NELL2: variants seen among roughly 807,000 people sequenced by gnomAD.
The protein encoded by NELL2 is protein kinase C-binding protein NELL2.
In NELL2, 41 loss-of-function variants were observed where a neutral mutation model predicts 109.6. That is an observed-to-expected ratio of 0.37 (90% CI 0.29 to 0.49). The LOEUF (loss-of-function observed/expected upper bound fraction) is 0.49, where lower values mean the gene tolerates loss of function less well. Among genes scored for constraint, NELL2 ranks in the 20% least tolerant of loss-of-function variants. The pLI is 0.98. For missense variants in NELL2, 900 were observed against 1,008.3 expected, an observed-to-expected ratio of 0.89 and a Z score of 1.45; for synonymous variants, 355 against 344.7, an observed-to-expected ratio of 1.03 and a Z score of -0.33.
intron 12 of NELL2, among the ~76,000 whole-genome samples, chr12:44,692,956 T>C (rs1427319237): frequency 6.6e-6 from 1 of 152,136 alleles, no homozygotes; most frequent in Non-Finnish European, 1.5e-5. Flanking sequence ...ATTTAGAATA[T>C]CACAAAAATT....
At chr12:44,798,090 A>C in intron 3 of NELL2, among the ~76,000 whole-genome samples, 1 of 133,476 alleles carries the variant, frequency 7.5e-6, no homozygotes, top group Non-Finnish European at 1.7e-5. Context: ...AAAGCATTCC[A>C]TCCTAGATGG....
intron 13 of NELL2, among the ~76,000 whole-genome samples, chr12:44,644,580 G>GTATATATATATATATA (rs138161908): frequency 8.5e-4 from 72 of 84,300 alleles, no homozygotes; most frequent in Non-Finnish European, 1.3e-3. Flanking sequence ...ACAAAGTAAA[G>GTATATATATATATATA]TATATATATA....
chr12:44,873,022 C>T (rs1945209257), intron 2 of NELL2, among the ~76,000 whole-genome samples: 1 of 152,130 alleles, frequency 6.6e-6, no homozygotes, highest in African/African-American at 2.4e-5. Flanking sequence ...CATGCATGGC[C>T]AAAGGGCCAC....
At chr12:44,822,970 GAGAA>G (rs1443614952) in intron 2 of NELL2, among the ~76,000 whole-genome samples, 2 of 152,138 alleles carry the variant, frequency 1.3e-5, no homozygotes, top group Admixed American at 1.3e-4. Context: ...GAGAGAGAGA[GAGAA>G]AGAATCTGAC....
chr12:44,815,075 C>A (rs1450549), intron 3 of NELL2, among the ~76,000 whole-genome samples: 1 of 151,926 alleles, frequency 6.6e-6, no homozygotes, highest in South Asian at 2.1e-4. Flanking sequence ...AGTGGTGGAC[C>A]TTCCCAGAAC....
upstream of NELL2, chr12:44,876,409 C>A: frequency 7.9e-7 from 1 of 1,266,032 alleles, no homozygotes. Context: ...GAGGGGCCGC[C>A]GAGGGCGAGG....
chr12:44,630,881 G>A (rs1477635676), intron 13 of NELL2, among the ~76,000 whole-genome samples: 1 of 152,028 alleles, frequency 6.6e-6, no homozygotes, highest in Non-Finnish European at 1.5e-5. Context: ...GTAAAATAAG[G>A]ATAGCTTAAT....
At position 44,876,087 on chromosome 12, in the gene NELL2, C is replaced by T. The variant is rs1245209087; in HGVS notation, c.-218G>A. On this transcript the variant is annotated 5_prime_UTR_variant, in exon 1 of 20. Transcript: ENST00000429094. ...AGACCCTCCAATGCGCACATCATTC[C>T]CACACGCAGGGCCGAGGCGGCAGCG... 1 of 1,380,606 alleles carries T rather than the reference C, an allele frequency of 7.2e-7. No individual in the cohort carries two copies. The highest frequency in any genetic ancestry group is 2.7e-5 in the East Asian group (1 of 37,412). The allele number at this position is 1,380,606 out of a possible 1,614,324, so 85.5% of individuals were successfully genotyped here.
At chr12:44,882,489 C>T (rs758884872) in intron 1 of NELL2, among the ~76,000 whole-genome samples, 1 of 151,244 alleles carries the variant, frequency 6.6e-6, no homozygotes, top group Non-Finnish European at 1.5e-5. Context: ...TACATACACA[C>T]ACATATACAC....
At chr12:44,864,165 A>G (rs1489292469) in intron 2 of NELL2, among the ~76,000 whole-genome samples, 1 of 152,188 alleles carries the variant, frequency 6.6e-6, no homozygotes, top group Non-Finnish European at 1.5e-5. Flanking sequence ...AAATATGTCC[A>G]AAACTTCCAT....
chr12:44,700,112 GC>G (rs1236701429), intron 12 of NELL2, among the ~76,000 whole-genome samples: 38 of 152,190 alleles, frequency 2.5e-4, no homozygotes, highest in Middle Eastern at 3.4e-3. Flanking sequence ...ACCAACATCT[GC>G]CTATTTATTA....
chr12:44,842,798 T>G (rs143010653), intron 2 of NELL2, among the ~76,000 whole-genome samples: 5 of 151,210 alleles, frequency 3.3e-5, no homozygotes, highest in Admixed American at 1.3e-4. Context: ...GAAGGCCATA[T>G]GAACAAACAG....
intron 15 of NELL2, among the ~76,000 whole-genome samples, chr12:44,603,338 T>A (rs1435170960): frequency 6.6e-6 from 1 of 152,180 alleles, no homozygotes; most frequent in African/African-American, 2.4e-5. Flanking sequence ...AGTCAGCAAG[T>A]GCTTGTAGGG....
intron 12 of NELL2, among the ~76,000 whole-genome samples, chr12:44,675,348 G>A (rs180744619): frequency 2.0e-5 from 3 of 152,108 alleles, no homozygotes; most frequent in African/African-American, 2.4e-5. Flanking sequence ...CAAAGGGAAC[G>A]TCATCTATGT....
intron 9 of NELL2, among the ~76,000 whole-genome samples, chr12:44,741,779 T>G (rs1939985449): frequency 6.6e-6 from 1 of 152,054 alleles, no homozygotes; most frequent in African/African-American, 2.4e-5. Context: ...ATTGCCGAGT[T>G]AGTTGTTTGA....
intron 3 of NELL2, among the ~76,000 whole-genome samples, chr12:44,793,623 T>C (rs1445801855): frequency 1.3e-5 from 2 of 152,196 alleles, no homozygotes; most frequent in Admixed American, 1.3e-4. Context: ...GTTAAATTAC[T>C]TCAGCAAAAG....
chr12:44,825,905 G>A (rs1294519016), intron 2 of NELL2, among the ~76,000 whole-genome samples: 1 of 151,764 alleles, frequency 6.6e-6, no homozygotes, highest in African/African-American at 2.4e-5. Context: ...AGCCCAGCGT[G>A]GTGGTGCCTG....
At chr12:44,657,842 A>G (rs777284374) in intron 13 of NELL2, among the ~76,000 whole-genome samples, 8 of 152,128 alleles carry the variant, frequency 5.3e-5, no homozygotes, top group Non-Finnish European at 1.0e-4. Context: ...GTATTCCATG[A>G]TGTATATGTG....
chr12:44,889,800 T>A (rs1188945906), intron 1 of NELL2, among the ~76,000 whole-genome samples: 1 of 152,242 alleles, frequency 6.6e-6, no homozygotes, highest in East Asian at 1.9e-4. Flanking sequence ...ATTCTCTTTT[T>A]CTAAGGCTAT....
Sources: gnomAD v4.1 joint callset for allele counts (sites outside exome capture counted in the v4.1 genomes callset) on GRCh38, gnomAD v4.1.1 for gene constraint, MANE v1.5 for transcripts, NCBI Gene and HGNC (gene_info 2026-07-23, HGNC 2026-07-21) for gene names.